The following HSPA12A variants were observed in gnomAD, a reference collection of about 807,000 sequenced individuals.
The protein encoded by HSPA12A is heat shock protein family A (Hsp70) member 12A.
HSPA12A carries 28 observed loss-of-function variants against 69.2 expected under a neutral mutation model. The observed-to-expected ratio is 0.40, with a 90% CI of 0.30 to 0.55. HSPA12A has a LOEUF of 0.55. Ranked by LOEUF, HSPA12A falls within the 20% of genes least tolerant of loss-of-function variation. The pLI is 0.38. For missense variants in HSPA12A, 686 were observed against 900.7 expected, an observed-to-expected ratio of 0.76 and a Z score of 3.05; for synonymous variants, 345 against 370.5, an observed-to-expected ratio of 0.93 and a Z score of 0.79.
intron 2 of HSPA12A, among the ~76,000 whole-genome samples, chr10:116,790,099 T>C (rs1295685244): frequency 2.0e-4 from 26 of 132,044 alleles, no homozygotes; most frequent in African/African-American, 6.5e-4. Context: ...TTTCTTTTTT[T>C]TTTTTTTTTT....
Position 116,674,923 on chromosome 10 carries a change from G to A in HSPA12A, c.1886C>T (p.Thr629Ile), listed in dbSNP as rs1849182482. The A allele has an allele frequency of 6.2e-7, 1 of 1,614,188 alleles. No individual in the cohort carries two copies. The highest frequency in any genetic ancestry group is 1.3e-5 in the African/African-American group (1 of 75,062). The change falls in exon 12 of 12, where the codon ACA becomes ATA. Residue 629 changes from threonine (T) to isoleucine (I), a missense_variant. Transcript: ENST00000369209. ...KKCGTLRLDL[T>I]GTSGTAVPAR... ...GGGCACCGCAGTGCCACTGGTCCCT[G>A]TGAGATCCAGGCGGAGCGTGCCACA...
At chr10:116,807,274 T>C (rs1845087909) in intron 2 of HSPA12A, among the ~76,000 whole-genome samples, 1 of 152,042 alleles carries the variant, frequency 6.6e-6, no homozygotes. Context: ...GGGGTCACTG[T>C]GAGCTGGCTG....
At chr10:116,705,119 A>C (rs1850200964) in intron 3 of HSPA12A, 32 bp downstream of exon 3, 1 of 1,612,704 alleles carries the variant, frequency 6.2e-7, no homozygotes, top group Non-Finnish European at 8.5e-7. Context: ...GGTTGGCACC[A>C]GCCACGTGGC....
chr10:116,804,325 G>C (rs898191925), intron 2 of HSPA12A, among the ~76,000 whole-genome samples: 1 of 152,170 alleles, frequency 6.6e-6, no homozygotes, highest in Non-Finnish European at 1.5e-5. Flanking sequence ...ACTGAGGCTG[G>C]GTCCGCCGTG....
intron 2 of HSPA12A, among the ~76,000 whole-genome samples, chr10:116,825,230 C>T (rs1845481638): frequency 6.6e-6 from 1 of 151,450 alleles, no homozygotes; most frequent in Non-Finnish European, 1.5e-5. Context: ...AATGAAGTGG[C>T]CGGGCGTGGT....
At chr10:116,714,982 GA>G (rs1209543629) in intron 1 of HSPA12A, among the ~76,000 whole-genome samples, 1 of 152,222 alleles carries the variant, frequency 6.6e-6, no homozygotes, top group Non-Finnish European at 1.5e-5. Context: ...GCAGATGAGA[GA>G]AGAACTTGTG....
At chr10:116,687,293 C>T (rs561532937) in intron 6 of HSPA12A, among the ~76,000 whole-genome samples, 11 of 152,238 alleles carry the variant, frequency 7.2e-5, no homozygotes, top group African/African-American at 2.4e-4. Context: ...AGGTGGGAAG[C>T]GAAGGTGAAG....
chr10:116,718,189 A>G (rs1253579474), intron 1 of HSPA12A, among the ~76,000 whole-genome samples: 1 of 152,230 alleles, frequency 6.6e-6, no homozygotes. Flanking sequence ...CAGTCTTCAG[A>G]GGCCACGGCA....
intron 2 of HSPA12A, among the ~76,000 whole-genome samples, chr10:116,777,046 A>G (rs1159330511): frequency 6.6e-6 from 1 of 152,228 alleles, no homozygotes; most frequent in African/African-American, 2.4e-5. Flanking sequence ...TGGGTGGACC[A>G]TGGCTCCTGT....
intron 2 of HSPA12A, chr10:116,832,076 AAAG>A (rs1166887959): frequency 6.6e-6 from 1 of 152,192 alleles, no homozygotes; most frequent in Non-Finnish European, 1.5e-5. Flanking sequence ...CAAGAAAGAC[AAAG>A]AAGGTCACCA....
At chr10:116,818,511 G>A (rs1253914433) in intron 2 of HSPA12A, among the ~76,000 whole-genome samples, 3 of 151,646 alleles carry the variant, frequency 2.0e-5, no homozygotes, top group East Asian at 1.9e-4. Flanking sequence ...CTCTGGGCCC[G>A]CCCCATAGTC....
chr10:116,823,160 G>A (rs573404572), intron 2 of HSPA12A, among the ~76,000 whole-genome samples: 1 of 152,322 alleles, frequency 6.6e-6, no homozygotes, highest in African/African-American at 2.4e-5. Flanking sequence ...AAAGGGATGT[G>A]AAATGAACAA....
intron 2 of HSPA12A, among the ~76,000 whole-genome samples, chr10:116,817,401 C>T (rs921225462): frequency 5.3e-5 from 8 of 152,026 alleles, no homozygotes; most frequent in Non-Finnish European, 8.8e-5. Context: ...TGCTAACCCT[C>T]GGCACAGCCT....
intron 2 of HSPA12A, among the ~76,000 whole-genome samples, chr10:116,825,294 G>C (rs565767486): frequency 6.6e-6 from 1 of 152,086 alleles, no homozygotes; most frequent in South Asian, 2.1e-4. Context: ...AGGATCACTT[G>C]AGCTCAGGAG....
chr10:116,757,666 G>A (rs1843881406), intron 2 of HSPA12A, among the ~76,000 whole-genome samples: 1 of 152,240 alleles, frequency 6.6e-6, no homozygotes, highest in African/African-American at 2.4e-5. Flanking sequence ...CTTGCTCTGT[G>A]ACTTTGGGCA....
intron 2 of HSPA12A, among the ~76,000 whole-genome samples, chr10:116,753,486 C>T (rs978043229): frequency 5.9e-5 from 9 of 152,176 alleles, no homozygotes; most frequent in African/African-American, 2.2e-4. Context: ...CTCTCTGATG[C>T]CCAGTCTCCC....
At chr10:116,721,447 C>T (rs1850773680) in intron 1 of HSPA12A, among the ~76,000 whole-genome samples, 1 of 152,176 alleles carries the variant, frequency 6.6e-6, no homozygotes, top group African/African-American at 2.4e-5. Context: ...AGCAGGGTGC[C>T]CCCTCTATCC....
At chr10:116,752,308 T>C (rs939825666) in intron 2 of HSPA12A, among the ~76,000 whole-genome samples, 2 of 152,232 alleles carry the variant, frequency 1.3e-5, no homozygotes, top group South Asian at 4.1e-4. Flanking sequence ...CCCTCTTTCT[T>C]TGAAGTCTAA....
rs1307664906 is a variant in HSPA12A at position 116,734,981 on chromosome 10, G to C, written c.40+7449C>G. The stretch of plus-strand genomic sequence containing the variant: ...CACTCCAGCCTGAGCGACAGAGCGA[G>C]ACTCCGTCTCGAAAAGAAAAAAAAG... On this transcript the variant is annotated intron_variant, in intron 1 of 11. Transcript: ENST00000369209. Among the ~76,000 whole-genome samples, 3 of 152,144 alleles carry C rather than the reference G, an allele frequency of 2.0e-5. No individual in the cohort carries two copies. In the East Asian group the frequency reaches 5.8e-4, roughly 29 times the overall value.
Sources: gnomAD v4.1 joint callset for allele counts (sites outside exome capture counted in the v4.1 genomes callset) on GRCh38, gnomAD v4.1.1 for gene constraint, MANE v1.5 for transcripts, NCBI Gene and HGNC (gene_info 2026-07-23, HGNC 2026-07-21) for gene names.